PARD3: variants seen among roughly 807,000 people sequenced by gnomAD.
PARD3 encodes the protein par-3 family cell polarity regulator.
Under a neutral mutation model 155.4 loss-of-function variants are expected in PARD3, and 75 were observed. That is an observed-to-expected ratio of 0.48 (90% CI 0.40 to 0.58). The LOEUF is 0.58. Among genes scored for constraint, PARD3 ranks in the 20% least tolerant of loss-of-function variants. The probability of loss-of-function intolerance (pLI) is 0.00; values close to 1 mark genes in which losing one functional copy is unlikely to be tolerated. For synonymous variants in PARD3, 576 were observed against 610.5 expected (o/e 0.94, Z 0.83); for missense variants, 1,642 against 1,721.7 (o/e 0.95, Z 0.82).
chr10:34,516,110 A>ATG (rs2081738719), intron 3 of PARD3, among the ~76,000 whole-genome samples: 2 of 152,006 alleles, frequency 1.3e-5, no homozygotes, highest in South Asian at 2.1e-4. Flanking sequence ...GATTACAGGC[A>ATG]ACCGCCACCA....
At chr10:34,465,985 G>A (rs1023792975) in intron 4 of PARD3, among the ~76,000 whole-genome samples, 2 of 152,092 alleles carry the variant, frequency 1.3e-5, no homozygotes, top group Non-Finnish European at 2.9e-5. Context: ...TATTCACACC[G>A]ATTGAAATAC....
intron 3 of PARD3, among the ~76,000 whole-genome samples, chr10:34,478,308 C>T (rs1239214897): frequency 6.6e-6 from 1 of 152,146 alleles, no homozygotes; most frequent in African/African-American, 2.4e-5. Flanking sequence ...CAAGAAGACC[C>T]AGCTGCATTG....
At chr10:34,495,798 T>G (rs1477540623) in intron 3 of PARD3, among the ~76,000 whole-genome samples, 1 of 151,510 alleles carries the variant, frequency 6.6e-6, no homozygotes, top group Non-Finnish European at 1.5e-5. Flanking sequence ...AATAACTATG[T>G]TGATGTTTGT....
intron 20 of PARD3, among the ~76,000 whole-genome samples, chr10:34,301,202 T>C (rs1209622604): frequency 6.6e-6 from 1 of 152,140 alleles, no homozygotes; most frequent in African/African-American, 2.4e-5. Flanking sequence ...ACCTGCATCA[T>C]ATAGAAATAT....
intron 22 of PARD3, among the ~76,000 whole-genome samples, chr10:34,144,148 G>A (rs1338756805): frequency 6.6e-6 from 1 of 152,086 alleles, no homozygotes; most frequent in African/African-American, 2.4e-5. Flanking sequence ...ACAGATTTTG[G>A]AGTTACTGAT....
At chr10:34,112,010 C>T (rs1301140666) in intron 24 of PARD3, among the ~76,000 whole-genome samples, 1 of 152,208 alleles carries the variant, frequency 6.6e-6, no homozygotes, top group Non-Finnish European at 1.5e-5. Flanking sequence ...ACAGCTGCCA[C>T]CATAATGCCA....
chr10:34,576,859 G>C (rs1337236637), intron 2 of PARD3, among the ~76,000 whole-genome samples: 2 of 152,176 alleles, frequency 1.3e-5, no homozygotes, highest in Non-Finnish European at 2.9e-5. Flanking sequence ...GCATAAAAAT[G>C]AAAGGAAATC....
chr10:34,609,485 T>C (rs547856527), intron 2 of PARD3, among the ~76,000 whole-genome samples: 9 of 152,316 alleles, frequency 5.9e-5, no homozygotes, highest in Admixed American at 2.6e-4. Context: ...ACTCCTGAGA[T>C]ACAGAGCCAG....
chr10:34,340,432 A>C (rs1310360841), intron 16 of PARD3, among the ~76,000 whole-genome samples: 3 of 152,294 alleles, frequency 2.0e-5, no homozygotes, highest in East Asian at 3.9e-4. Context: ...TTTATATTGT[A>C]GTCTTCCCTT....
At chr10:34,516,884 A>T in intron 3 of PARD3, 95 bp downstream of exon 3, 1 of 1,196,500 alleles carries the variant, frequency 8.4e-7, no homozygotes, top group Non-Finnish European at 1.2e-6. Flanking sequence ...TAAAACAGAT[A>T]ATTAATTCCA....
At chr10:34,455,817 A>C (rs2077306643) in intron 4 of PARD3, among the ~76,000 whole-genome samples, 1 of 152,180 alleles carries the variant, frequency 6.6e-6, no homozygotes, top group South Asian at 2.1e-4. Context: ...AGTATAATGA[A>C]CCAACTAAAA....
intron 22 of PARD3, among the ~76,000 whole-genome samples, chr10:34,175,686 A>G (rs1473349733): frequency 6.6e-6 from 1 of 152,260 alleles, no homozygotes; most frequent in Non-Finnish European, 1.5e-5. Flanking sequence ...TAAAGAGGCT[A>G]ATAAAGCAAG....
At chr10:34,687,074 A>G (rs930781832) in intron 2 of PARD3, among the ~76,000 whole-genome samples, 27 of 152,212 alleles carry the variant, frequency 1.8e-4, no homozygotes, top group African/African-American at 6.5e-4. Context: ...ATAAAATAAT[A>G]AATTAGAAAA....
intron 16 of PARD3, among the ~76,000 whole-genome samples, chr10:34,340,195 CTTAT>C: frequency 1.3e-5 from 2 of 152,296 alleles, no homozygotes; most frequent in Middle Eastern, 6.8e-3. Context: ...ATCCCTTCTA[CTTAT>C]TTATCTATTT....
chr10:34,303,162 A>ATTTTTTTTTTTTTTTTTTTTT lies in PARD3; in HGVS notation c.3065+13944_3065+13945insAAAAAAAAAAAAAAAAAAAAA, dbSNP rs5784409. On this transcript the variant is annotated intron_variant, in intron 20 of 24. Coordinates refer to ENST00000374788, the MANE Select transcript of PARD3 (RefSeq NM_001184785.2). ...AGAATTTATTTTACTGCCCAGGTGA[A>ATTTTTTTTTTTTTTTTTTTTT]TTTTTTTTTTTTTTTTTTTTGTGCA... 2.3e-5 allele frequency among the ~76,000 whole-genome samples: 3 copies of ATTTTTTTTTTTTTTTTTTTTT among 131,974 alleles called. 1 individual carries two copies. Among genetic ancestry groups the ATTTTTTTTTTTTTTTTTTTTT allele is most frequent in the African/African-American group, 8.9e-5 (3 of 33,532 alleles). The allele number at this position is 131,974 out of a possible 152,430, so 86.6% of individuals were successfully genotyped here. A position where few individuals can be genotyped will look rare whatever the true frequency, so the allele number is the denominator to read the frequency against.
At chr10:34,558,959 G>A (rs995936282) in intron 2 of PARD3, among the ~76,000 whole-genome samples, 2 of 152,070 alleles carry the variant, frequency 1.3e-5, no homozygotes. Context: ...AAGTAAGTAA[G>A]TAAGTAAGTA....
At chr10:34,114,679 T>C (rs994353548) in intron 24 of PARD3, among the ~76,000 whole-genome samples, 13 of 152,116 alleles carry the variant, frequency 8.5e-5, no homozygotes, top group Non-Finnish European at 1.5e-5. Context: ...TTCCCTTCCT[T>C]GGTTGGAGGG....
chr10:34,420,346 TA>T (rs1487585198), intron 5 of PARD3, among the ~76,000 whole-genome samples: 1 of 152,228 alleles, frequency 6.6e-6, no homozygotes, highest in African/African-American at 2.4e-5. Context: ...GGGATTTCTT[TA>T]TTCCTACTTG....
intron 2 of PARD3, 61 bp downstream of exon 2, chr10:34,696,257 C>T (rs903869836): frequency 5.2e-5 from 44 of 845,190 alleles, no homozygotes; most frequent in Admixed American, 3.1e-4. Flanking sequence ...ATCGCACCCG[C>T]TCCCTAGTCC....
Sources: allele counts gnomAD v4.1 joint callset (sites outside exome capture counted in the v4.1 genomes callset), GRCh38; gene constraint gnomAD v4.1.1; transcripts MANE v1.5; gene names NCBI Gene and HGNC (gene_info 2026-07-23, HGNC 2026-07-21).